Variants in PRKG1 observed in about 807,000 individuals in gnomAD.
PRKG1 encodes the protein protein kinase cGMP-dependent 1.
In PRKG1, 35 loss-of-function variants were observed where a neutral mutation model predicts 88.1. That is an observed-to-expected ratio of 0.40 (90% CI 0.30 to 0.53). The LOEUF is 0.53. Among genes scored for constraint, PRKG1 ranks in the 20% least tolerant of loss-of-function variants. The probability of loss-of-function intolerance (pLI) is 0.59; values close to 1 mark genes in which losing one functional copy is unlikely to be tolerated. For missense variants in PRKG1, 540 were observed against 839.8 expected (o/e 0.64, Z 4.41); for synonymous variants, 303 against 292.5 (o/e 1.04, Z -0.37).
intron 2 of PRKG1, among the ~76,000 whole-genome samples, chr10:51,467,328 T>A (rs1274374109): frequency 1.3e-5 from 2 of 152,016 alleles, no homozygotes; most frequent in Non-Finnish European, 2.9e-5. Context: ...AATAGCTGCC[T>A]TACTAATGAG....
chr10:51,466,590 T>C (rs1839914346), intron 2 of PRKG1, among the ~76,000 whole-genome samples: 1 of 151,978 alleles, frequency 6.6e-6, no homozygotes. Context: ...ATATTTAAGA[T>C]TTTATCTCCA....
intron 4 of PRKG1, among the ~76,000 whole-genome samples, chr10:51,886,862 A>G (rs1841582257): frequency 6.6e-6 from 1 of 152,178 alleles, no homozygotes; most frequent in African/African-American, 2.4e-5. Flanking sequence ...GTGCTCACCT[A>G]TACAAAAAGT....
intron 2 of PRKG1, among the ~76,000 whole-genome samples, chr10:51,277,620 T>C (rs1840162466): frequency 6.6e-6 from 1 of 152,238 alleles, no homozygotes; most frequent in Non-Finnish European, 1.5e-5. Flanking sequence ...CATTTGTTTG[T>C]GTCCTCTTTT....
intron 3 of PRKG1, among the ~76,000 whole-genome samples, chr10:51,745,134 A>C (rs926761877): frequency 2.6e-5 from 4 of 152,134 alleles, no homozygotes; most frequent in Admixed American, 2.6e-4. Context: ...AAAGTTATAT[A>C]TTTTTTGTCT....
chr10:51,117,356 A>G (rs1190964934), intron 1 of PRKG1, among the ~76,000 whole-genome samples: 2 of 152,228 alleles, frequency 1.3e-5, no homozygotes, highest in African/African-American at 4.8e-5. Context: ...CATTTTAACC[A>G]GTTATCTTGC....
chr10:51,838,778 G>A (rs1379851893), intron 4 of PRKG1, among the ~76,000 whole-genome samples: 1 of 151,976 alleles, frequency 6.6e-6, no homozygotes, highest in Non-Finnish European at 1.5e-5. Flanking sequence ...AAAAAATCAC[G>A]CTACCCCTAG....
rs148467833 is a variant in PRKG1, at chr10:51,949,865, C to T, written c.762+42295C>T. On this transcript the variant is annotated intron_variant, in intron 5 of 17. Transcript: ENST00000373980. ...GATTATAATCATACATGTATACATG[C>T]CATAAGCATTTCCAGATACATTGTT... Among the ~76,000 whole-genome samples the T allele has an allele frequency of 2.6e-5, 4 of 152,278 alleles. No individual in the cohort carries two copies. The East Asian group carries it at 5.8e-4, about 22-fold the overall frequency.
At chr10:51,422,756 G>A (rs750510490) in intron 2 of PRKG1, among the ~76,000 whole-genome samples, 15 of 151,958 alleles carry the variant, frequency 9.9e-5, no homozygotes, top group Non-Finnish European at 1.9e-4. Flanking sequence ...TGGTGACCCA[G>A]CACTTCACGG....
intron 3 of PRKG1, among the ~76,000 whole-genome samples, chr10:51,636,167 G>C (rs1839651322): frequency 6.6e-6 from 1 of 152,104 alleles, no homozygotes; most frequent in Non-Finnish European, 1.5e-5. Flanking sequence ...TTAAATGCAA[G>C]AGTTTGCATA....
At chr10:52,016,469 A>G (rs1157259117) in intron 5 of PRKG1, among the ~76,000 whole-genome samples, 1 of 152,200 alleles carries the variant, frequency 6.6e-6, no homozygotes, top group Non-Finnish European at 1.5e-5. Context: ...GGGGATTACA[A>G]TTTGAGATGA....
intron 7 of PRKG1, chr10:52,128,233 C>T (rs1837156076): frequency 1.0e-6 from 1 of 985,286 alleles, no homozygotes; most frequent in Non-Finnish European, 1.2e-6. Context: ...AAGGCTGGCA[C>T]TGAGAGAGTG....
At chr10:51,074,153 G>A (rs1377564690), upstream of PRKG1, among the ~76,000 whole-genome samples, 1 of 149,724 alleles carries the variant, frequency 6.7e-6, no homozygotes, top group East Asian at 2.0e-4. Flanking sequence ...GCGCCTCGGA[G>A]GCTTATCAGG....
intron 4 of PRKG1, among the ~76,000 whole-genome samples, chr10:51,825,298 G>T (rs1257226704): frequency 6.6e-6 from 1 of 152,122 alleles, no homozygotes; most frequent in Non-Finnish European, 1.5e-5. Context: ...ACATCTGCAT[G>T]ATTTTTGCTG....
intron 1 of PRKG1, among the ~76,000 whole-genome samples, chr10:51,128,756 T>G (rs1845493414): frequency 6.6e-6 from 1 of 152,178 alleles, no homozygotes; most frequent in African/African-American, 2.4e-5. Context: ...ACTTGGTAAT[T>G]AGAAGTTAGA....
chr10:51,790,067 C>G (rs1838829619), intron 3 of PRKG1, among the ~76,000 whole-genome samples: 1 of 152,138 alleles, frequency 6.6e-6, no homozygotes, highest in East Asian at 1.9e-4. Flanking sequence ...AAGTAATCTG[C>G]CTGCCTTGGC....
chr10:51,737,833 G>A (rs1420068800), intron 3 of PRKG1, among the ~76,000 whole-genome samples: 1 of 150,450 alleles, frequency 6.6e-6, no homozygotes, highest in African/African-American at 2.4e-5. Flanking sequence ...GCACCATCTC[G>A]GCTCACTGCA....
intron 4 of PRKG1, among the ~76,000 whole-genome samples, chr10:51,822,893 T>A (rs1462814556): frequency 6.6e-6 from 1 of 152,158 alleles, no homozygotes; most frequent in Non-Finnish European, 1.5e-5. Context: ...TTGTTGGTGG[T>A]TCTTCTAAAC....
At chr10:51,734,012 A>T (rs539393048) in intron 3 of PRKG1, among the ~76,000 whole-genome samples, 6 of 152,168 alleles carry the variant, frequency 3.9e-5, no homozygotes, top group Non-Finnish European at 8.8e-5. Context: ...CTAATAAACA[A>T]AATGTTTCTA....
intron 3 of PRKG1, among the ~76,000 whole-genome samples, chr10:51,480,027 C>CA (rs1840310632): frequency 6.6e-6 from 1 of 151,850 alleles, no homozygotes; most frequent in East Asian, 1.9e-4. Context: ...TAAATGTTGG[C>CA]AAGCTTGATT....
Sources: allele counts gnomAD v4.1 joint callset (sites outside exome capture counted in the v4.1 genomes callset), GRCh38; gene constraint gnomAD v4.1.1; transcripts MANE v1.5; gene names NCBI Gene and HGNC (gene_info 2026-07-23, HGNC 2026-07-21).